Variants in IFNLR1 observed in about 807,000 individuals in gnomAD.
The protein encoded by IFNLR1 is interferon lambda receptor 1, also known as CRF2-12.
A neutral mutation model predicts 52.5 loss-of-function variants in IFNLR1; 28 were observed. The observed-to-expected ratio is 0.53, with a 90% CI of 0.40 to 0.73. The LOEUF is 0.73. Ranked by LOEUF, IFNLR1 falls within the 30% of genes least tolerant of loss-of-function variation. IFNLR1 has a pLI of 0.00. For synonymous variants in IFNLR1, 276 were observed against 274.9 expected, an observed-to-expected ratio of 1.00 and a Z score of -0.04; for missense variants, 623 against 659.1, an observed-to-expected ratio of 0.95 and a Z score of 0.60.
At chr1:24,159,726 G>GTTTTTTTTTTTTTGT in intron 4 of IFNLR1, 93 bp from the exon 5 acceptor site, 2 of 761,906 alleles carry the variant, frequency 2.6e-6, no homozygotes, top group Non-Finnish European at 3.9e-6. Flanking sequence ...ATGGTAGGGT[G>GTTTTTTTTTTTTTGT]TTTTTTTTTT....
chr1:24,173,672 A>G (rs1260354226), intron 2 of IFNLR1, among the ~76,000 whole-genome samples: 2 of 146,406 alleles, frequency 1.4e-5, no homozygotes, highest in Non-Finnish European at 3.0e-5. Flanking sequence ...TTTTAGAGAC[A>G]GAGTCTCACT....
At position 24,156,874 on chromosome 1, in the gene IFNLR1, C is replaced by A. The variant is rs1644383860; in HGVS notation, c.*256G>T. On this transcript the variant is annotated 3_prime_UTR_variant, in exon 7 of 7. Transcript: ENST00000327535. ...CCTAGGGACAATGGGGGTGATGACA[C>A]CCCACCAACCTCTGACCTCAGCCCA... is the stretch of plus-strand genomic sequence containing the variant. The A allele has an allele frequency of 1.9e-6, 1 of 526,762 alleles. No homozygotes were observed. The highest frequency in any genetic ancestry group is 3.6e-5 in the Admixed American group (1 of 28,068). 32.6% of individuals were successfully genotyped at this position (526,762 alleles called of 1,614,324 possible). A position where few individuals can be genotyped will look rare whatever the true frequency, so the allele number is the denominator to read the frequency against.
chr1:24,182,519 C>T (rs1644701307), intron 1 of IFNLR1, among the ~76,000 whole-genome samples: 1 of 151,990 alleles, frequency 6.6e-6, no homozygotes, highest in African/African-American at 2.4e-5. Flanking sequence ...TTTTAATTCC[C>T]CTGATGTAAT....
chr1:24,162,872 TTTCTTTCCTTCCTTCCTTCCTTCC>T (rs1644474282), intron 3 of IFNLR1, among the ~76,000 whole-genome samples: 495 of 40,088 alleles, frequency 0.012, 11 homozygotes, highest in South Asian at 0.044. Flanking sequence ...TCTTTCTTTC[TTTCTTTCCTTCCTTCCTTCCTTCC>T]TTCCTTCCTT....
At chr1:24,180,419 C>T (rs557239092) in intron 2 of IFNLR1, among the ~76,000 whole-genome samples, 1 of 152,172 alleles carries the variant, frequency 6.6e-6, no homozygotes, top group South Asian at 2.1e-4. Context: ...CCAAGCACCT[C>T]ATCCAGCCAC....
intron 3 of IFNLR1, among the ~76,000 whole-genome samples, chr1:24,165,440 A>T (rs1309121754): frequency 6.6e-6 from 1 of 152,170 alleles, no homozygotes; most frequent in East Asian, 1.9e-4. Flanking sequence ...GTATTCTTGG[A>T]GGGGATTTAG....
intron 2 of IFNLR1, among the ~76,000 whole-genome samples, chr1:24,179,670 TC>T (rs1472560341): frequency 6.6e-6 from 1 of 152,068 alleles, no homozygotes; most frequent in Admixed American, 6.5e-5. Context: ...CTGAGCTCAA[TC>T]CCCTCACCTC....
At chr1:24,181,585 A>C (rs1211429785) in intron 1 of IFNLR1, among the ~76,000 whole-genome samples, 1 of 152,146 alleles carries the variant, frequency 6.6e-6, no homozygotes, top group Non-Finnish European at 1.5e-5. Context: ...GTAGCCCAGG[A>C]TGGAGGATGA....
Position 24,161,565 on chromosome 1 carries a change from A to G in IFNLR1, c.487T>C (p.Trp163Arg). 1 of 1,555,878 alleles carries G rather than the reference A, an allele frequency of 6.4e-7. No individual in the cohort carries two copies. Reference protein sequence around the residue: ...PLDLKYEVAFWKEGAGNKTLF... With the variant: ...PLDLKYEVAFRKEGAGNKTLF... ...ACCTTGTTTCCGGCCCCCTCCTTCC[A>G]GAATGCCACCTCATACTTCAGATCC... is the stretch of plus-strand genomic sequence containing the variant. Residue 163 changes from tryptophan to arginine, a missense_variant, in exon 4 of 7, where the codon TGG becomes CGG. Coordinates refer to ENST00000327535, the MANE Select transcript of IFNLR1 (RefSeq NM_170743.4).
At chr1:24,162,898 TCC>T (rs1491399440) in intron 3 of IFNLR1, among the ~76,000 whole-genome samples, 37 of 101,528 alleles carry the variant, frequency 3.6e-4, no homozygotes, top group African/African-American at 7.2e-4. Flanking sequence ...CTTCCTTCCT[TCC>T]TTCCTTCCTT....
Position 24,159,553 on chromosome 1 carries a change from A to G in IFNLR1, c.591T>C (p.Ser197=). 6.2e-7 allele frequency: 1 copy of G among 1,613,718 alleles called. No individual in the cohort carries two copies. The highest frequency in any genetic ancestry group is 8.5e-7 in the Non-Finnish European group (1 of 1,179,884). ...CACTGAACGTGTAGATGGTTCTGGC[A>G]CTGAGGCAGTGGTGTTCGCTGGCAG... The part of the protein sequence containing the change: ...QPAASEHHCL[S]ARTIYTFSVP... The change falls in exon 5 of 7, where the codon AGT becomes AGC. Residue 197 remains serine (S), a synonymous_variant. Coordinates refer to ENST00000327535, the MANE Select transcript of IFNLR1 (RefSeq NM_170743.4).
intron 3 of IFNLR1, among the ~76,000 whole-genome samples, chr1:24,164,025 C>A (rs1409336361): frequency 2.6e-5 from 4 of 152,298 alleles, no homozygotes; most frequent in African/African-American, 7.2e-5. Flanking sequence ...GTCAGTACAA[C>A]TCTCGGGGTA....
intron 2 of IFNLR1, among the ~76,000 whole-genome samples, chr1:24,175,949 A>G (rs59489644): frequency 0.017 from 2,530 of 150,958 alleles, 63 homozygotes; most frequent in African/African-American, 0.058. Context: ...AAAAAAAAAA[A>G]AGAGAGTTTT....
rs769288938 is a variant in IFNLR1 at position 24,169,534 on chromosome 1, T to A, written c.250A>T (p.Met84Leu). ...AGGTCCTGTTTCTTCAGGCACATCATAGAACATAGCAGCTCCTTGGTTCCC... is the reference window on the plus strand; with the variant it reads ...AGGTCCTGTTTCTTCAGGCACATCAAAGAACATAGCAGCTCCTTGGTTCCC... ...CAGTKELLCS[M>L]MCLKKQDLYN... Residue 84 changes from methionine (M) to leucine (L), a missense_variant, in exon 3 of 7, where the codon ATG (methionine) becomes TTG (leucine). By Grantham distance (15) the Met-to-Leu change is conservative. Coordinates refer to ENST00000327535, the MANE Select transcript of IFNLR1 (RefSeq NM_170743.4). 2 of 1,614,108 alleles carry A rather than the reference T, an allele frequency of 1.2e-6. No homozygotes were observed. Among genetic ancestry groups the A allele is most frequent in the Non-Finnish European group, 1.7e-6 (2 of 1,180,046 alleles).
intron 1 of IFNLR1, among the ~76,000 whole-genome samples, chr1:24,184,841 A>C (rs1221704121): frequency 6.6e-6 from 1 of 152,134 alleles, no homozygotes; most frequent in Non-Finnish European, 1.5e-5. Flanking sequence ...CAACATGGTG[A>C]AACCACGTCT....
intron 4 of IFNLR1, 66 bp from the exon 5 acceptor site, chr1:24,159,699 G>A: frequency 7.5e-7 from 1 of 1,339,792 alleles, no homozygotes; most frequent in Non-Finnish European, 1.0e-6. Flanking sequence ...AGCCAGGACA[G>A]AGTGGGGTTG....
chr1:24,162,736 CTTT>C (rs1644460982), intron 3 of IFNLR1, among the ~76,000 whole-genome samples: 1 of 28,872 alleles, frequency 3.5e-5, no homozygotes, highest in Admixed American at 2.9e-4. Flanking sequence ...TTCTTTCTTT[CTTT>C]CTTTCTTTCT....
intron 2 of IFNLR1, among the ~76,000 whole-genome samples, chr1:24,172,539 C>T (rs541694458): frequency 6.6e-6 from 1 of 151,920 alleles, no homozygotes; most frequent in Admixed American, 6.6e-5. Context: ...CAAATTAACA[C>T]AATAGATGAT....
chr1:24,172,022 C>T lies in IFNLR1; in HGVS notation c.183-2421G>A, dbSNP rs553317477. The stretch of plus-strand genomic sequence containing the variant: ...GTCTCACTTTGTTGCCTAGGCCGGT[C>T]TCAAACTTCTGGCCTCAAGCAATCC... On this transcript the variant is annotated intron_variant, in intron 2 of 6. Transcript: ENST00000327535. Among the ~76,000 whole-genome samples the T allele has an allele frequency of 3.3e-5, 5 of 152,158 alleles. No homozygotes were observed. In the South Asian group the frequency reaches 1.0e-3, roughly 32 times the overall value.
Sources: gnomAD v4.1 joint callset for allele counts (sites outside exome capture counted in the v4.1 genomes callset) on GRCh38, gnomAD v4.1.1 for gene constraint, MANE v1.5 for transcripts, NCBI Gene and HGNC (gene_info 2026-07-23, HGNC 2026-07-21) for gene names.